Variants in ZFAT observed in about 807,000 individuals in gnomAD.
The protein encoded by ZFAT is zinc finger protein ZFAT.
Under a neutral mutation model 117.7 loss-of-function variants are expected in ZFAT, and 64 were observed. The ratio of observed to expected loss-of-function variants is 0.54; its 90% CI spans 0.44 to 0.67. The LOEUF is 0.67. ZFAT is among the 30% of genes least tolerant of loss of function. The pLI, the probability that ZFAT is intolerant of heterozygous loss-of-function variation, is 0.00. For missense variants in ZFAT, 1,433 were observed against 1,584.5 expected, an observed-to-expected ratio of 0.90 and a Z score of 1.62; for synonymous variants, 679 against 615.0, an observed-to-expected ratio of 1.10 and a Z score of -1.54.
At chr8:134,634,187 T>G (rs1474491304) in intron 3 of ZFAT, among the ~76,000 whole-genome samples, 1 of 152,216 alleles carries the variant, frequency 6.6e-6, no homozygotes, top group Admixed American at 6.5e-5. Context: ...AGAAAACAGC[T>G]TGTTAAATAA....
chr8:134,653,419 G>GTTTTTTTTTTTTTTT (rs61711569), intron 2 of ZFAT, among the ~76,000 whole-genome samples: 1 of 51,338 alleles, frequency 1.9e-5, no homozygotes. Context: ...CGTTTTATCT[G>GTTTTTTTTTTTTTTT]TTTTTTTTTT....
intron 3 of ZFAT, among the ~76,000 whole-genome samples, chr8:134,631,848 G>C (rs965364593): frequency 4.6e-5 from 7 of 152,150 alleles, no homozygotes; most frequent in African/African-American, 1.7e-4. Context: ...AGGAACACAT[G>C]GGACTCTTCT....
At chr8:134,599,583 C>T in intron 7 of ZFAT, 1 of 360,588 alleles carries the variant, frequency 2.8e-6, no homozygotes, top group Non-Finnish European at 5.3e-6. Flanking sequence ...CTGACCTACT[C>T]ACCACACCCA....
the ZFAT span, among the ~76,000 whole-genome samples, chr8:134,743,149 C>A: frequency 6.6e-6 from 1 of 152,250 alleles, no homozygotes; most frequent in South Asian, 2.1e-4. Context: ...CGATTGACTG[C>A]AAAGCCTCAC....
At chr8:134,551,781 C>T (rs892304942) in intron 11 of ZFAT, among the ~76,000 whole-genome samples, 6 of 152,186 alleles carry the variant, frequency 3.9e-5, no homozygotes, top group African/African-American at 1.2e-4. Flanking sequence ...AGTACCCAAG[C>T]CCCTTATACA....
the ZFAT span, among the ~76,000 whole-genome samples, chr8:134,815,398 G>A: frequency 3.9e-5 from 6 of 152,236 alleles, no homozygotes; most frequent in South Asian, 1.2e-3. Context: ...TTACCCTCAT[G>A]TTTCTTGGCC....
intron 1 of ZFAT, among the ~76,000 whole-genome samples, chr8:134,670,300 T>C (rs1832491428): frequency 6.6e-6 from 1 of 152,236 alleles, no homozygotes; most frequent in African/African-American, 2.4e-5. Context: ...AGAATATACA[T>C]TCTTCTCAGC....
intron 11 of ZFAT, among the ~76,000 whole-genome samples, chr8:134,537,560 CTGTG>C (rs1295831140): frequency 1.3e-5 from 2 of 152,136 alleles, no homozygotes. Context: ...AGCCAGTGTG[CTGTG>C]TGCTGGGTCA....
At chr8:134,524,324 T>A (rs1820869993) in intron 12 of ZFAT, among the ~76,000 whole-genome samples, 1 of 152,226 alleles carries the variant, frequency 6.6e-6, no homozygotes, top group Admixed American at 6.5e-5. Flanking sequence ...AGTGATGCTC[T>A]GGGGTGGACA....
chr8:134,782,784 TTTTTCTTTATAAA>T, the ZFAT span, among the ~76,000 whole-genome samples: 1 of 132,438 alleles, frequency 7.6e-6, no homozygotes, highest in African/African-American at 3.7e-5. Flanking sequence ...ATTAAACCTC[TTTTTCTTTATAAA>T]TTACCCAGTC....
chr8:134,763,525 C>T, the ZFAT span, among the ~76,000 whole-genome samples: 1 of 152,134 alleles, frequency 6.6e-6, no homozygotes, highest in Non-Finnish European at 1.5e-5. Flanking sequence ...ACTTCCTTAC[C>T]GTGCCTTATT....
chr8:134,522,672 T>C (rs1303257681), intron 12 of ZFAT, among the ~76,000 whole-genome samples: 2 of 152,160 alleles, frequency 1.3e-5, no homozygotes, highest in Non-Finnish European at 2.9e-5. Context: ...CAGCCCAGCA[T>C]CAATCCAAGC....
intron 1 of ZFAT, among the ~76,000 whole-genome samples, chr8:134,678,744 T>C (rs1313423198): frequency 1.3e-5 from 2 of 152,056 alleles, no homozygotes; most frequent in Non-Finnish European, 2.9e-5. Context: ...AACAGATATA[T>C]AGACCAATGG....
chr8:134,746,430 G>A, the ZFAT span, among the ~76,000 whole-genome samples: 1 of 152,206 alleles, frequency 6.6e-6, no homozygotes, highest in East Asian at 1.9e-4. Flanking sequence ...TACTATGGCT[G>A]TGTTAATGTA....
At chr8:134,788,885 C>T in the ZFAT span, among the ~76,000 whole-genome samples, 1 of 152,010 alleles carries the variant, frequency 6.6e-6, no homozygotes, top group Admixed American at 6.6e-5. Context: ...CACATTCAAA[C>T]TGTTTTTATT....
At chr8:134,591,999 A>G (rs1437655554) in intron 7 of ZFAT, among the ~76,000 whole-genome samples, 1 of 145,084 alleles carries the variant, frequency 6.9e-6, no homozygotes, top group Non-Finnish European at 1.5e-5. Context: ...CCTGGTAGGG[A>G]GGACTCTGCG....
the ZFAT span, among the ~76,000 whole-genome samples, chr8:134,761,648 C>T: frequency 7.9e-5 from 12 of 151,606 alleles, no homozygotes; most frequent in Admixed American, 1.3e-4. Flanking sequence ...TGCAGTGAGC[C>T]GAGATCGTGC....
intron 8 of ZFAT, among the ~76,000 whole-genome samples, chr8:134,589,594 G>T (rs1017779386): frequency 1.3e-5 from 2 of 152,234 alleles, no homozygotes; most frequent in African/African-American, 2.4e-5. Flanking sequence ...GAGCCCATGG[G>T]AGTTGCTGGA....
intron 15 of ZFAT, among the ~76,000 whole-genome samples, chr8:134,494,091 G>A (rs1201791693): frequency 6.6e-6 from 1 of 151,982 alleles, no homozygotes; most frequent in African/African-American, 2.4e-5. Context: ...GGCCTGGCGT[G>A]GCAGCTCTAC....
Sources: allele counts gnomAD v4.1 joint callset (sites outside exome capture counted in the v4.1 genomes callset), GRCh38; gene constraint gnomAD v4.1.1; transcripts MANE v1.5; gene names NCBI Gene and HGNC (gene_info 2026-07-23, HGNC 2026-07-21).